The following JAKMIP2 variants were observed in gnomAD, a reference collection of about 807,000 sequenced individuals.
JAKMIP2 encodes janus kinase and microtubule-interacting protein 2.
In JAKMIP2, 25 loss-of-function variants were observed where a neutral mutation model predicts 115.0. The observed-to-expected ratio is 0.22, with a 90% CI of 0.16 to 0.30. The LOEUF (loss-of-function observed/expected upper bound fraction) is 0.30, where lower values mean the gene tolerates loss of function less well. Among genes scored for constraint, JAKMIP2 ranks in the 10% least tolerant of loss-of-function variants. The pLI is 1.00. For synonymous variants in JAKMIP2, 334 were observed against 343.6 expected (o/e 0.97, Z 0.31); for missense variants, 642 against 957.6 (o/e 0.67, Z 4.35).
Position 147,666,674 on chromosome 5 carries a change from G to C in JAKMIP2, c.129+5004C>G, listed in dbSNP as rs149754801. On this transcript the variant is annotated intron_variant, in intron 2 of 21. Transcript: ENST00000616793. ...CATTGTGGGCCAGGAGCTGGCTCCA[G>C]GTAAGTTCCTACACCTCCTTGTTTG... Among the ~76,000 whole-genome samples, 7 of 152,292 alleles carry C rather than the reference G, an allele frequency of 4.6e-5. No homozygotes were observed. In the East Asian group the frequency reaches 1.4e-3, roughly 29 times the overall value.
intron 1 of JAKMIP2, among the ~76,000 whole-genome samples, chr5:147,744,370 A>C (rs915684160): frequency 6.6e-6 from 1 of 152,170 alleles, no homozygotes; most frequent in African/African-American, 2.4e-5. Flanking sequence ...CCAGACTCTT[A>C]AAAGTTCACT....
At chr5:147,739,478 C>T (rs1473440672) in intron 1 of JAKMIP2, among the ~76,000 whole-genome samples, 1 of 152,010 alleles carries the variant, frequency 6.6e-6, no homozygotes, top group Non-Finnish European at 1.5e-5. Flanking sequence ...AGCGGCGGAG[C>T]AAGGAGGGGC....
At chr5:147,749,950 T>C (rs913014247) in intron 1 of JAKMIP2, among the ~76,000 whole-genome samples, 1 of 152,200 alleles carries the variant, frequency 6.6e-6, no homozygotes, top group African/African-American at 2.4e-5. Context: ...CATCTATAAA[T>C]AGAAGATAAG....
At chr5:147,625,715 A>C (rs750920303) in intron 16 of JAKMIP2, among the ~76,000 whole-genome samples, 2 of 152,176 alleles carry the variant, frequency 1.3e-5, no homozygotes, top group Non-Finnish European at 2.9e-5. Context: ...AAGTTACTGA[A>C]TATCCCAAGC....
At chr5:147,718,551 C>G (rs1753115529) in intron 1 of JAKMIP2, among the ~76,000 whole-genome samples, 1 of 151,502 alleles carries the variant, frequency 6.6e-6, no homozygotes, top group Admixed American at 6.6e-5. Context: ...TTCAGAGATT[C>G]AACTTCTTCC....
At chr5:147,611,001 C>A (rs1756288956) in intron 20 of JAKMIP2, among the ~76,000 whole-genome samples, 2 of 152,152 alleles carry the variant, frequency 1.3e-5, no homozygotes, top group African/African-American at 4.8e-5. Flanking sequence ...AAGCAGCCTA[C>A]TCAAGCTTCA....
intron 1 of JAKMIP2, among the ~76,000 whole-genome samples, chr5:147,718,214 A>G (rs1279755956): frequency 2.0e-5 from 3 of 151,300 alleles, no homozygotes; most frequent in Admixed American, 6.6e-5. Context: ...ATCATGGTGG[A>G]TAAGCTTTTT....
chr5:147,763,928 G>A (rs544503115), intron 1 of JAKMIP2, among the ~76,000 whole-genome samples: 3 of 152,218 alleles, frequency 2.0e-5, no homozygotes, highest in South Asian at 4.1e-4. Context: ...CGTTGTAAAT[G>A]AGCTGCCACA....
chr5:147,677,177 T>C (rs1162983396), intron 1 of JAKMIP2, among the ~76,000 whole-genome samples: 1 of 152,194 alleles, frequency 6.6e-6, no homozygotes, highest in Non-Finnish European at 1.5e-5. Flanking sequence ...GTAGTACCTA[T>C]GACACTGGAT....
At chr5:147,757,555 T>C (rs1754791345) in intron 1 of JAKMIP2, among the ~76,000 whole-genome samples, 1 of 152,112 alleles carries the variant, frequency 6.6e-6, no homozygotes. Flanking sequence ...ATCCAGCCTC[T>C]GTTCTTTAAC....
chr5:147,648,121 CAGAAT>C (rs1299038950), intron 5 of JAKMIP2, among the ~76,000 whole-genome samples: 8 of 152,044 alleles, frequency 5.3e-5, no homozygotes, highest in Non-Finnish European at 8.8e-5. Flanking sequence ...CGATTGAAGT[CAGAAT>C]AGTGGTTAAG....
At chr5:147,643,162 A>G (rs1241592738) in intron 7 of JAKMIP2, among the ~76,000 whole-genome samples, 1 of 152,164 alleles carries the variant, frequency 6.6e-6, no homozygotes, top group African/African-American at 2.4e-5. Flanking sequence ...GTCCCTCTAG[A>G]GAGCCCTAAT....
At chr5:147,747,358 T>C (rs145599788) in intron 1 of JAKMIP2, among the ~76,000 whole-genome samples, 5 of 152,096 alleles carry the variant, frequency 3.3e-5, no homozygotes, top group African/African-American at 1.2e-4. Context: ...CCAGCAAGAG[T>C]GTCTGTTCTG....
At chr5:147,714,740 A>T (rs1445848038) in intron 1 of JAKMIP2, among the ~76,000 whole-genome samples, 2 of 152,226 alleles carry the variant, frequency 1.3e-5, no homozygotes, top group Non-Finnish European at 2.9e-5. Context: ...ACTTCTCAAC[A>T]GCAACACAAG....
At chr5:147,745,182 G>A (rs1284909044) in intron 1 of JAKMIP2, among the ~76,000 whole-genome samples, 3 of 139,856 alleles carry the variant, frequency 2.1e-5, no homozygotes, top group Non-Finnish European at 4.8e-5. Flanking sequence ...CGACCTTGGC[G>A]GATGCAACTT....
intron 1 of JAKMIP2, among the ~76,000 whole-genome samples, chr5:147,688,379 T>C (rs944435869): frequency 2.6e-5 from 4 of 152,198 alleles, no homozygotes; most frequent in Admixed American, 1.3e-4. Flanking sequence ...CAAAACCGTA[T>C]GCACAACATA....
chr5:147,757,160 G>C (rs1216435467), intron 1 of JAKMIP2, among the ~76,000 whole-genome samples: 1 of 152,092 alleles, frequency 6.6e-6, no homozygotes, highest in African/African-American at 2.4e-5. Context: ...TTACACCCAG[G>C]TAGGACCCAT....
In JAKMIP2 at chr5:147,586,196, C is replaced by A. The variant is rs79451119; in HGVS notation, c.*5511G>T. The A allele has an allele frequency of 6.6e-6, 1 of 152,022 alleles. No homozygotes were observed. Among genetic ancestry groups the A allele is most frequent in the Non-Finnish European group, 1.5e-5 (1 of 68,068 alleles). The allele number at this position is 152,022 out of a possible 1,614,324, so 9.4% of individuals were successfully genotyped here. On this transcript the variant is annotated 3_prime_UTR_variant, in exon 22 of 22. Transcript: ENST00000616793. ...GAGTTCCCAGCAGAAGCAGCAGCAG[C>A]GCAGAAAAAACCTTTCTTGAAGTCC... is the stretch of plus-strand genomic sequence containing the variant.
chr5:147,683,705 C>T (rs1400283975), intron 1 of JAKMIP2, among the ~76,000 whole-genome samples: 1 of 152,028 alleles, frequency 6.6e-6, no homozygotes, highest in Non-Finnish European at 1.5e-5. Flanking sequence ...TTTTAAAAAG[C>T]TATCATAAAG....
Sources: gnomAD v4.1 joint callset for allele counts (sites outside exome capture counted in the v4.1 genomes callset) on GRCh38, gnomAD v4.1.1 for gene constraint, MANE v1.5 for transcripts, NCBI Gene and HGNC (gene_info 2026-07-23, HGNC 2026-07-21) for gene names.